The following PDE7A variants were observed in gnomAD, a reference collection of about 807,000 sequenced individuals.
The protein encoded by PDE7A is high affinity 3',5'-cyclic-AMP phosphodiesterase 7A.
A neutral mutation model predicts 64.3 loss-of-function variants in PDE7A; 39 were observed. The observed-to-expected ratio is 0.61, with a 90% CI of 0.47 to 0.79. PDE7A has a LOEUF of 0.79. PDE7A is among the 30% of genes least tolerant of loss of function. The pLI is 0.00. For synonymous variants in PDE7A, 203 were observed against 206.8 expected, an observed-to-expected ratio of 0.98 and a Z score of 0.16; for missense variants, 470 against 582.8, an observed-to-expected ratio of 0.81 and a Z score of 1.99.
chr8:65,832,324 A>C (rs1810847201), intron 1 of PDE7A, among the ~76,000 whole-genome samples: 1 of 152,192 alleles, frequency 6.6e-6, no homozygotes, highest in Non-Finnish European at 1.5e-5. Context: ...AATCTACTTC[A>C]TCATTTGTAA....
chr8:65,820,869 C>T (rs1172365103), intron 1 of PDE7A, among the ~76,000 whole-genome samples: 2 of 152,132 alleles, frequency 1.3e-5, no homozygotes, highest in African/African-American at 4.8e-5. Context: ...GGATTACAGG[C>T]GTGAGCCACC....
chr8:65,821,496 A>T (rs1810541005), intron 1 of PDE7A, among the ~76,000 whole-genome samples: 1 of 152,252 alleles, frequency 6.6e-6, no homozygotes, highest in African/African-American at 2.4e-5. Flanking sequence ...CAATTTATAC[A>T]GTATCTTGAT....
chr8:65,718,227 C>T lies in PDE7A; in HGVS notation c.*1063G>A, dbSNP rs1023498295. 1 of 152,214 alleles carries T rather than the reference C, an allele frequency of 6.6e-6. No individual in the cohort carries two copies. Among genetic ancestry groups the T allele is most frequent in the Non-Finnish European group, 1.5e-5 (1 of 68,040 alleles). The allele number at this position is 152,214 out of a possible 1,614,324, so 9.4% of individuals were successfully genotyped here. A position where few individuals can be genotyped will look rare whatever the true frequency, so the allele number is the denominator to read the frequency against. ...AAATAATAAATAAAAGCTTACATTTCAAATCTTTGCCCACATGGAGAAACA... is the reference window on the plus strand; with the variant it reads ...AAATAATAAATAAAAGCTTACATTTTAAATCTTTGCCCACATGGAGAAACA... On this transcript the variant is annotated 3_prime_UTR_variant, in exon 13 of 13. Coordinates refer to ENST00000401827, the MANE Select transcript of PDE7A (RefSeq NM_001242318.3).
At chr8:65,797,127 T>G (rs942947604) in intron 1 of PDE7A, among the ~76,000 whole-genome samples, 5 of 152,340 alleles carry the variant, frequency 3.3e-5, no homozygotes, top group Admixed American at 3.3e-4. Flanking sequence ...ATAGGATATA[T>G]GCATGATCCA....
At chr8:65,741,880 GGA>G (rs1807451101) in intron 5 of PDE7A, among the ~76,000 whole-genome samples, 1 of 152,146 alleles carries the variant, frequency 6.6e-6, no homozygotes, top group South Asian at 2.1e-4. Context: ...CAATCTAATG[GGA>G]AAATACCCTC....
intron 1 of PDE7A, among the ~76,000 whole-genome samples, chr8:65,790,462 CA>C (rs1288602827): frequency 6.6e-6 from 1 of 152,130 alleles, no homozygotes; most frequent in Admixed American, 6.5e-5. Flanking sequence ...CATGACAAGA[CA>C]ACGTCATCTG....
rs542517880 is a variant in PDE7A, at chr8:65,759,601, A to G, written c.284-11798T>C. 4.6e-5 allele frequency among the ~76,000 whole-genome samples: 7 copies of G among 152,356 alleles called. No homozygotes were observed. The East Asian group carries it at 1.3e-3, about 29-fold the overall frequency. On this transcript the variant is annotated intron_variant, in intron 3 of 12. Transcript: ENST00000401827. ...TCCAATCAGGGCCCAGAATGCTGAA[A>G]TAGTTGATTCTGGTCATTTTTTCTA... is the stretch of plus-strand genomic sequence containing the variant.
intron 1 of PDE7A, among the ~76,000 whole-genome samples, chr8:65,833,994 A>G (rs1468010601): frequency 6.6e-6 from 1 of 152,160 alleles, no homozygotes; most frequent in Non-Finnish European, 1.5e-5. Context: ...ACTAATTAAA[A>G]GTATCTGCCA....
At chr8:65,822,695 C>A (rs1462750706) in intron 1 of PDE7A, among the ~76,000 whole-genome samples, 2 of 152,084 alleles carry the variant, frequency 1.3e-5, no homozygotes, top group Non-Finnish European at 2.9e-5. Flanking sequence ...TCAAATAAAT[C>A]AGTAGAGAAA....
At chr8:65,797,040 A>C (rs1809861380) in intron 1 of PDE7A, among the ~76,000 whole-genome samples, 2 of 152,214 alleles carry the variant, frequency 1.3e-5, no homozygotes, top group Admixed American at 6.5e-5. Flanking sequence ...ATTAGTAAAA[A>C]ATGATTGGAA....
At chr8:65,739,110 C>T (rs1807284700) in intron 6 of PDE7A, among the ~76,000 whole-genome samples, 1 of 152,240 alleles carries the variant, frequency 6.6e-6, no homozygotes, top group African/African-American at 2.4e-5. Context: ...TTTGAACCAG[C>T]TCGGCTAATT....
At chr8:65,785,941 T>C (rs775554081) in intron 1 of PDE7A, among the ~76,000 whole-genome samples, 1 of 152,148 alleles carries the variant, frequency 6.6e-6, no homozygotes, top group Non-Finnish European at 1.5e-5. Context: ...TGACCAATAT[T>C]AGCTCTCTGT....
intron 1 of PDE7A, among the ~76,000 whole-genome samples, chr8:65,796,947 A>G (rs141466524): frequency 4.0e-4 from 61 of 152,320 alleles, no homozygotes; most frequent in Admixed American, 1.8e-3. Context: ...AAGACCCTAC[A>G]AAAGAGCTAC....
At position 65,757,400 on chromosome 8, in the gene PDE7A, T is replaced by C. The variant is rs544488446; in HGVS notation, c.284-9597A>G. ...ATGGATCCTTTAAATCAAAAGAATA[T>C]ACATAATTATTAATAACTAGTCCAG... On this transcript the variant is annotated intron_variant, in intron 3 of 12. Transcript: ENST00000401827. Among the ~76,000 whole-genome samples the C allele has an allele frequency of 4.7e-4, 71 of 152,238 alleles. 2 individuals carry two copies. In the South Asian group the frequency reaches 0.015, roughly 31 times the overall value.
chr8:65,755,410 T>C (rs1359033204), intron 3 of PDE7A, among the ~76,000 whole-genome samples: 2 of 152,210 alleles, frequency 1.3e-5, no homozygotes, highest in Non-Finnish European at 2.9e-5. Context: ...TTTGTGTATT[T>C]TTAAATTTAC....
At position 65,827,445 on chromosome 8, in the gene PDE7A, A is replaced by T. The variant is rs542566172; in HGVS notation, c.138+13926T>A. On this transcript the variant is annotated intron_variant, in intron 1 of 12. Coordinates refer to ENST00000401827, the MANE Select transcript of PDE7A (RefSeq NM_001242318.3). ...ATTTTAGTAAATTTAAATATAACAG[A>T]AAGTTTATTTTCTCAGCTTTGAAGT... Among the ~76,000 whole-genome samples the T allele has an allele frequency of 9.2e-5, 14 of 152,294 alleles. No individual in the cohort carries two copies. The South Asian group carries it at 2.9e-3, about 32-fold the overall frequency.
intron 1 of PDE7A, among the ~76,000 whole-genome samples, chr8:65,791,664 A>C (rs905645023): frequency 7.9e-5 from 12 of 152,184 alleles, no homozygotes; most frequent in South Asian, 6.2e-4. Flanking sequence ...AATGTCTGAC[A>C]CGGTAATACA....
intron 1 of PDE7A, among the ~76,000 whole-genome samples, chr8:65,811,836 A>T (rs1278758162): frequency 1.3e-5 from 2 of 152,224 alleles, no homozygotes; most frequent in African/African-American, 2.4e-5. Flanking sequence ...ATCCTATCAA[A>T]TACAAAAATT....
chr8:65,822,892 G>A (rs1810576684), intron 1 of PDE7A, among the ~76,000 whole-genome samples: 1 of 152,008 alleles, frequency 6.6e-6, no homozygotes, highest in Non-Finnish European at 1.5e-5. Flanking sequence ...GATTATCTGA[G>A]GCAGCAGTCT....
Sources: gnomAD v4.1 joint callset for allele counts (sites outside exome capture counted in the v4.1 genomes callset) on GRCh38, gnomAD v4.1.1 for gene constraint, MANE v1.5 for transcripts, NCBI Gene and HGNC (gene_info 2026-07-23, HGNC 2026-07-21) for gene names.